Variants in CCDC125 observed in about 807,000 individuals in gnomAD.
CCDC125 encodes coiled-coil domain containing 125.
In CCDC125, 43 loss-of-function variants were observed where a neutral mutation model predicts 57.4. That is an observed-to-expected ratio of 0.75 (90% CI 0.59 to 0.97). The LOEUF (loss-of-function observed/expected upper bound fraction) is 0.97. Ranked by LOEUF, CCDC125 falls within the 50% of genes least tolerant of loss-of-function variation. The pLI is 0.00. For missense variants in CCDC125, 563 were observed against 595.7 expected, an observed-to-expected ratio of 0.95 and a Z score of 0.57; for synonymous variants, 187 against 195.2, an observed-to-expected ratio of 0.96 and a Z score of 0.35.
intron 11 of CCDC125, 24 bp from the exon 12 acceptor site, chr5:69,283,058 G>A: frequency 6.5e-7 from 1 of 1,529,246 alleles, no homozygotes; most frequent in Non-Finnish European, 8.8e-7. Context: ...AATTAAACAT[G>A]TACAAGTTAG....
At chr5:69,327,524 A>G (rs1178210590) in intron 1 of CCDC125, among the ~76,000 whole-genome samples, 1 of 152,226 alleles carries the variant, frequency 6.6e-6, no homozygotes, top group Non-Finnish European at 1.5e-5. Context: ...CAACCAGTTT[A>G]ATGTATTCAG....
intron 1 of CCDC125, among the ~76,000 whole-genome samples, chr5:69,325,137 A>G (rs1341179871): frequency 1.3e-5 from 2 of 152,078 alleles, no homozygotes; most frequent in Non-Finnish European, 2.9e-5. Context: ...CTGCCTGGCC[A>G]ACATGGTGAA....
intron 11 of CCDC125, among the ~76,000 whole-genome samples, chr5:69,285,119 AAAAC>A (rs1248938240): frequency 3.1e-5 from 4 of 128,782 alleles, no homozygotes; most frequent in Admixed American, 7.6e-5. Context: ...AAAAAACCAA[AAAAC>A]AAACAAAACA....
At chr5:69,331,040 C>G (rs1245455827) in intron 1 of CCDC125, among the ~76,000 whole-genome samples, 4 of 152,014 alleles carry the variant, frequency 2.6e-5, no homozygotes, top group Non-Finnish European at 5.9e-5. Flanking sequence ...CAGTGGCTCA[C>G]ACATGTAATC....
At chr5:69,287,263 A>ATTTT (rs11331460) in intron 10 of CCDC125, among the ~76,000 whole-genome samples, 2 of 141,006 alleles carry the variant, frequency 1.4e-5, no homozygotes, top group Non-Finnish European at 3.1e-5. Context: ...AGATTAATCA[A>ATTTT]TTTTTTTTTT....
rs35078773 is a variant in CCDC125 at position 69,287,735 on chromosome 5, A to AT, written c.1100-2269dup. 2.4e-3 allele frequency among the ~76,000 whole-genome samples: 350 copies of AT among 144,220 alleles called. 2 individuals are homozygous for AT. The highest frequency in any genetic ancestry group is 6.4e-3 in the African/African-American group (250 of 38,830). The allele number at this position is 144,220 out of a possible 152,430, so 94.6% of individuals were successfully genotyped here. ...CAGGTATCTACCACCACACTTGGCT[A>AT]TTTTTTTTTTTTTAATAGAGACAGG... is the stretch of plus-strand genomic sequence containing the variant. On this transcript the variant is annotated intron_variant, in intron 10 of 11. Coordinates refer to ENST00000396496, the MANE Select transcript of CCDC125 (RefSeq NM_176816.5).
intron 2 of CCDC125, among the ~76,000 whole-genome samples, chr5:69,318,993 C>T (rs968549950): frequency 4.0e-5 from 6 of 151,020 alleles, no homozygotes; most frequent in Non-Finnish European, 7.4e-5. Context: ...GGCTGGAGTG[C>T]AGTGGTACAA....
intron 6 of CCDC125, among the ~76,000 whole-genome samples, chr5:69,304,605 A>G (rs1004459851): frequency 2.0e-5 from 3 of 151,254 alleles, no homozygotes; most frequent in South Asian, 4.2e-4. Flanking sequence ...TTTGTGTTTT[A>G]GTAGAGAAGT....
At chr5:69,283,194 C>T (rs1404321177) in intron 11 of CCDC125, among the ~76,000 whole-genome samples, 160 bp from the exon 12 acceptor site, 1 of 151,244 alleles carries the variant, frequency 6.6e-6, no homozygotes, top group Non-Finnish European at 1.5e-5. Flanking sequence ...GATCCCCAAA[C>T]ATTATACTAC....
At chr5:69,287,617 T>C (rs1470511968) in intron 10 of CCDC125, among the ~76,000 whole-genome samples, 5 of 151,824 alleles carry the variant, frequency 3.3e-5, no homozygotes. Flanking sequence ...TCACCCAGGC[T>C]GGACTGCAGT....
chr5:69,325,563 C>T (rs1478997892), intron 1 of CCDC125, among the ~76,000 whole-genome samples: 1 of 150,184 alleles, frequency 6.7e-6, no homozygotes, highest in East Asian at 2.0e-4. Flanking sequence ...CAGTGGCTCA[C>T]GTCTGTAATC....
chr5:69,289,243 C>T (rs72767873), intron 10 of CCDC125, among the ~76,000 whole-genome samples: 16,694 of 152,242 alleles, frequency 0.11, 1,093 homozygotes, highest in Admixed American at 0.15. Flanking sequence ...ATCTGACTTT[C>T]TAAGAAGATC....
chr5:69,315,255 C>G (rs569190219), intron 2 of CCDC125, among the ~76,000 whole-genome samples: 1 of 113,316 alleles, frequency 8.8e-6, no homozygotes, highest in Non-Finnish European at 1.9e-5. Flanking sequence ...GGCTCTGTCT[C>G]GAAAAAATAA....
At chr5:69,320,126 A>G (rs946825403) in intron 2 of CCDC125, 111 bp downstream of exon 2, 1 of 1,134,332 alleles carries the variant, frequency 8.8e-7, no homozygotes, top group African/African-American at 1.6e-5. Context: ...CCGTCCAGAA[A>G]AAAAAGAAAA....
chr5:69,297,206 T>A (rs1254172129), intron 8 of CCDC125, among the ~76,000 whole-genome samples: 1 of 151,994 alleles, frequency 6.6e-6, no homozygotes, highest in Non-Finnish European at 1.5e-5. Flanking sequence ...CCAGCTAATT[T>A]TTTTTTGTAT....
intron 1 of CCDC125, among the ~76,000 whole-genome samples, chr5:69,321,630 T>C (rs746249497): frequency 1.3e-5 from 2 of 152,178 alleles, no homozygotes; most frequent in Non-Finnish European, 2.9e-5. Context: ...AAAGGAACAG[T>C]AAAAATACAA....
intron 10 of CCDC125, among the ~76,000 whole-genome samples, chr5:69,286,230 AT>A (rs1391337659): frequency 4.2e-4 from 29 of 68,912 alleles, no homozygotes; most frequent in African/African-American, 1.3e-3. Flanking sequence ...ATATATATAT[AT>A]ATAATTTTTT....
In CCDC125 at chr5:69,293,510, A is replaced by C. The variant is rs551194085; in HGVS notation, c.925-1148T>G. ...ACTAAAAATACAAAAATTAACTGGG[A>C]GTGGTGGCAGGCGCCTGTAATCCCA... is the stretch of plus-strand genomic sequence containing the variant. On this transcript the variant is annotated intron_variant, in intron 9 of 11. Transcript: ENST00000396496. Among the ~76,000 whole-genome samples the C allele has an allele frequency of 4.0e-5, 6 of 151,866 alleles. No individual in the cohort carries two copies. In the South Asian group the frequency reaches 8.3e-4, roughly 21 times the overall value.
intron 8 of CCDC125, among the ~76,000 whole-genome samples, chr5:69,297,639 GTTAGCCA>G (rs1755599496): frequency 6.6e-6 from 1 of 151,156 alleles, no homozygotes; most frequent in East Asian, 2.0e-4. Context: ...GATTACAGGC[GTTAGCCA>G]CCGCACCTGG....
Sources: gnomAD v4.1 joint callset for allele counts (sites outside exome capture counted in the v4.1 genomes callset) on GRCh38, gnomAD v4.1.1 for gene constraint, MANE v1.5 for transcripts, NCBI Gene and HGNC (gene_info 2026-07-23, HGNC 2026-07-21) for gene names.